The following FGFR3 variants were observed in gnomAD, a reference collection of about 807,000 sequenced individuals.
FGFR3 encodes the protein FGFR-3.
In FGFR3, 25 loss-of-function variants were observed where a neutral mutation model predicts 82.9. The ratio of observed to expected loss-of-function variants is 0.30; its 90% confidence interval spans 0.22 to 0.42. The LOEUF (loss-of-function observed/expected upper bound fraction) is 0.42, where lower values mean the gene tolerates loss of function less well. Among genes scored for constraint, FGFR3 ranks in the 10% least tolerant of loss-of-function variants. FGFR3 has a pLI of 1.00. For missense variants in FGFR3, 1,026 were observed against 1,161.0 expected (o/e 0.88, Z 1.69); for synonymous variants, 620 against 516.0 (o/e 1.20, Z -2.73).
At chr4:1,794,646 G>T (rs767071095) in intron 2 of FGFR3, among the ~76,000 whole-genome samples, 1 of 152,172 alleles carries the variant, frequency 6.6e-6, no homozygotes, top group Non-Finnish European at 1.5e-5. Flanking sequence ...AGCGTCGCGG[G>T]CCCTAGACTG....
chr4:1,794,089 C>T, intron 2 of FGFR3, 46 bp downstream of exon 2: 1 of 1,186,922 alleles, frequency 8.4e-7, no homozygotes, highest in Non-Finnish European at 1.1e-6. Context: ...CCCGTGCGGG[C>T]AGAGGCGTTG....
rs1217356477 is a variant in FGFR3 at position 1,805,552 on chromosome 4, T to G, written c.1535-7T>G. ...CGCCTGACACAGGCCCCCCGCTCCG[T>G]GCACAGACGATGCCACTGACAAGGA... is the stretch of plus-strand genomic sequence containing the variant. On this transcript the variant is annotated splice_region_variant and splice_polypyrimidine_tract_variant and intron_variant, in intron 11 of 17. Transcript: ENST00000440486. 1.9e-6 allele frequency: 3 copies of G among 1,612,988 alleles called. No homozygotes were observed. Among genetic ancestry groups the G allele is most frequent in the Non-Finnish European group, 2.5e-6 (3 of 1,179,806 alleles).
chr4:1,795,100 C>A (rs1188678225), intron 2 of FGFR3, among the ~76,000 whole-genome samples: 1 of 151,624 alleles, frequency 6.6e-6, no homozygotes, highest in African/African-American at 2.4e-5. Flanking sequence ...CGGCTGCAGC[C>A]TCCCGGAACA....
rs754152095 is a variant in FGFR3 at position 1,807,255 on chromosome 4, G to T, written c.2414G>T (p.Arg805Leu). ...PPAPPSSGGS[R>L]T ...GCCCCACCCAGCAGTGGGGGCTCGCGGACGTGAAGGGCCACTGGTCCCCAA... is the reference window on the plus strand; with the variant it reads ...GCCCCACCCAGCAGTGGGGGCTCGCTGACGTGAAGGGCCACTGGTCCCCAA... The change falls in exon 18 of 18, where the codon CGG becomes CTG. Residue 805 changes from arginine to leucine, a missense_variant. Around this residue, in one of 9 missense-constraint regions of FGFR3, gnomAD observed 155 missense variants for 150.2 expected, o/e 1.03. Coordinates refer to ENST00000440486, the MANE Select transcript of FGFR3 (RefSeq NM_000142.5). 1 of 1,599,562 alleles carries T rather than the reference G, an allele frequency of 6.3e-7. No homozygotes were observed. Among genetic ancestry groups the T allele is most frequent in the Non-Finnish European group, 8.5e-7 (1 of 1,175,102 alleles).
intron 2 of FGFR3, among the ~76,000 whole-genome samples, chr4:1,798,703 T>C (rs1226624171): frequency 6.6e-6 from 1 of 151,998 alleles, no homozygotes; most frequent in Non-Finnish European, 1.5e-5. Context: ...TCATATGGGG[T>C]GCGGGGGCTA....
chr4:1,806,444 CT>C (rs1721931188), intron 15 of FGFR3, 101 bp from the exon 16 acceptor site: 1 of 1,606,386 alleles, frequency 6.2e-7, no homozygotes, highest in African/African-American at 1.3e-5. Context: ...GTTTCTACCC[CT>C]CCCTGGGGGC....
chr4:1,805,070 A>T (rs1322284217), intron 10 of FGFR3, 101 bp downstream of exon 10: 1 of 1,434,968 alleles, frequency 7.0e-7, no homozygotes, highest in African/African-American at 1.4e-5. Flanking sequence ...GCCGTCAGGG[A>T]TGTGGCGGAT....
chr4:1,807,668 C>A lies in FGFR3; in HGVS notation c.*406C>A. The stretch of plus-strand genomic sequence containing the variant: ...GGACATCACAGGGTGGGCCTCGGCC[C>A]CTCCCACACCCAAAGCTGAGCCTGC... On this transcript the variant is annotated 3_prime_UTR_variant, in exon 18 of 18. Coordinates refer to ENST00000440486, the MANE Select transcript of FGFR3 (RefSeq NM_000142.5). 1.6e-6 allele frequency: 1 copy of A among 624,368 alleles called. No individual in the cohort carries two copies. 38.7% of individuals were successfully genotyped at this position (624,368 alleles called of 1,614,324 possible). A position where few individuals can be genotyped will look rare whatever the true frequency, so the allele number is the denominator to read the frequency against.
At chr4:1,799,855 C>T (rs749214383) in intron 4 of FGFR3, 43 bp downstream of exon 4, 24 of 1,598,678 alleles carry the variant, frequency 1.5e-5, no homozygotes, top group South Asian at 1.2e-4. Context: ...GGGTGGGGCC[C>T]GCTGCCACCG....
chr4:1,801,455 C>T lies in FGFR3; in HGVS notation c.534C>T (p.Ala178=), dbSNP rs567597726. The change falls in exon 5 of 18, where the codon GCC becomes GCT. Residue 178 remains alanine, a synonymous_variant. Coordinates refer to ENST00000440486, the MANE Select transcript of FGFR3 (RefSeq NM_000142.5). ...ACACCGTCCGCTTCCGCTGCCCAGC[C>T]GCTGGCAACCCCACTCCCTCCATCT... is the stretch of plus-strand genomic sequence containing the variant. The part of the protein sequence containing the change: ...AANTVRFRCP[A]AGNPTPSISW... 2.6e-5 allele frequency: 40 copies of T among 1,553,312 alleles called. No individual in the cohort carries two copies. The highest frequency in any genetic ancestry group is 1.5e-4 in the African/African-American group (11 of 73,382).
chr4:1,795,837 C>T (rs1009867580), intron 2 of FGFR3, among the ~76,000 whole-genome samples: 13 of 152,178 alleles, frequency 8.5e-5, no homozygotes, highest in Non-Finnish European at 1.6e-4. Context: ...GTGCTGGCTG[C>T]AACCTCCCCC....
At position 1,804,771 on chromosome 4, in the gene FGFR3, C is replaced by T. The variant is rs535725390; in HGVS notation, c.1267-53C>T. 133 of 1,547,628 alleles carry T rather than the reference C, an allele frequency of 8.6e-5. 2 individuals are homozygous for T. In the East Asian group the frequency reaches 2.8e-3, roughly 33 times the overall value. On this transcript the variant is annotated intron_variant, in intron 9 of 17. Coordinates refer to ENST00000440486, the MANE Select transcript of FGFR3 (RefSeq NM_000142.5). ...GCCCAGCACTGACCCCCGGCTGTAC[C>T]TCCACGCCCTGTCGCCCACGCGGCG...
At chr4:1,795,851 C>G (rs1441151101) in intron 2 of FGFR3, among the ~76,000 whole-genome samples, 2 of 152,164 alleles carry the variant, frequency 1.3e-5, no homozygotes, top group African/African-American at 2.4e-5. Flanking sequence ...CTCCCCCACT[C>G]CTCCTCTGCA....
chr4:1,806,182 G>A lies in FGFR3; in HGVS notation c.1959+9G>A, dbSNP rs769392301. 3.2e-5 allele frequency: 51 copies of A among 1,612,556 alleles called. No individual in the cohort carries two copies. Among genetic ancestry groups the A allele is most frequent in the Admixed American group, 8.3e-5 (5 of 59,896 alleles). ...ACAAGAAGACGACCAACGTGAGCCC[G>A]GCCCTGGGGTGCGGGGGTGGGGGTC... is the stretch of plus-strand genomic sequence containing the variant. On this transcript the variant is annotated intron_variant, in intron 14 of 17. Coordinates refer to ENST00000440486, the MANE Select transcript of FGFR3 (RefSeq NM_000142.5).
At chr4:1,804,658 C>T in intron 9 of FGFR3, 138 bp downstream of exon 9, 3 of 1,411,554 alleles carry the variant, frequency 2.1e-6, no homozygotes, top group South Asian at 1.2e-5. Flanking sequence ...TCTCTGCTCA[C>T]CATGTAGAGC....
At chr4:1,799,963 G>A in intron 4 of FGFR3, 151 bp downstream of exon 4, 1 of 852,198 alleles carries the variant, frequency 1.2e-6, no homozygotes, top group Non-Finnish European at 1.8e-6. Context: ...ATACAGGAGG[G>A]GCTGGGTCAC....
Position 1,804,891 on chromosome 4 carries a change from C to T in FGFR3, c.1334C>T (p.Ser445Leu), listed in dbSNP as rs1721685741. The T allele has an allele frequency of 1.9e-6, 3 of 1,550,032 alleles. No individual in the cohort carries two copies. The highest frequency in any genetic ancestry group is 4.9e-5 in the East Asian group (2 of 40,920). Residue 445 changes from serine to leucine, a missense_variant, in exon 10 of 18, where the codon TCA becomes TTA. Physicochemically the swap from Ser to Leu is moderately radical, Grantham distance 145. Coordinates refer to ENST00000440486, the MANE Select transcript of FGFR3 (RefSeq NM_000142.5). ...CTGGTGCGCATCGCAAGGCTGTCCT[C>T]AGGGGAGGGCCCCACGCTGGCCAAT... ...TPLVRIARLSSGEGPTLANVS... is the reference protein window; with the variant it reads ...TPLVRIARLSLGEGPTLANVS...
chr4:1,803,700 C>G lies in FGFR3; in HGVS notation c.939C>G (p.Gly313=). The part of the protein sequence containing the change: ...TPYVTVLKTA[G]ANTTDKELEV... ...CTGCTCTCTCTTTGTAGACGGCGGG[C>G]GCTAACACCACCGACAAGGAGCTAG... Residue 313 remains glycine (G), a synonymous_variant, in exon 8 of 18, where the codon GGC becomes GGG. Transcript: ENST00000440486. The G allele has an allele frequency of 1.2e-6, 2 of 1,613,612 alleles. No homozygotes were observed. The highest frequency in any genetic ancestry group is 1.7e-6 in the Non-Finnish European group (2 of 1,179,970).
chr4:1,805,862 G>A lies in FGFR3; in HGVS notation c.1758G>A (p.Glu586=), dbSNP rs757264596. Residue 586 remains glutamate (E), a synonymous_variant, in exon 13 of 18, where the codon GAG becomes GAA. Coordinates refer to ENST00000440486, the MANE Select transcript of FGFR3 (RefSeq NM_000142.5). The part of the protein sequence containing the change: ...DYSFDTCKPP[E]EQLTFKDLVS... ...CCTTCGACACCTGCAAGCCGCCCGA[G>A]GAGCAGCTCACCTTCAAGGACCTGG... 20 of 1,612,598 alleles carry A rather than the reference G, an allele frequency of 1.2e-5. No homozygotes were observed. Among genetic ancestry groups the A allele is most frequent in the Non-Finnish European group, 8.5e-7 (1 of 1,179,874 alleles).
Sources: gnomAD v4.1 joint callset for allele counts (sites outside exome capture counted in the v4.1 genomes callset) on GRCh38, gnomAD v4.1.1 for gene constraint, gnomAD v4.1.1 regional missense constraint, MANE v1.5 for transcripts, NCBI Gene and HGNC (gene_info 2026-07-23, HGNC 2026-07-21) for gene names.